Variants in VPS35L observed in about 807,000 individuals in gnomAD.
The protein encoded by VPS35L is VPS35 endosomal protein-sorting factor-like.
In VPS35L, 83 loss-of-function variants were observed where a neutral mutation model predicts 133.0. The observed-to-expected ratio is 0.62, with a 90% confidence interval of 0.52 to 0.75. The LOEUF (loss-of-function observed/expected upper bound fraction) is 0.75, where lower values mean the gene tolerates loss of function less well. VPS35L is among the 30% of genes least tolerant of loss of function. The probability of loss-of-function intolerance (pLI) is 0.00; values close to 1 mark genes in which losing one functional copy is unlikely to be tolerated. For missense variants in VPS35L, 1,083 were observed against 1,206.8 expected (o/e 0.90, Z 1.52); for synonymous variants, 423 against 449.9 (o/e 0.94, Z 0.76).
Position 19,596,824 on chromosome 16 carries a change from A to C in VPS35L, c.725-4840A>C, listed in dbSNP as rs147529437. 3.9e-3 allele frequency among the ~76,000 whole-genome samples: 597 copies of C among 151,572 alleles called. 5 individuals carry two copies. The highest frequency in any genetic ancestry group is 6.6e-3 in the Non-Finnish European group (450 of 67,882). On this transcript the variant is annotated intron_variant, in intron 8 of 30. Transcript: ENST00000417362. ...ACTTTGAGCTTAGGAATTCGAGACC[A>C]GCCTGGGCAACATGGTGAAACCCGT...
At chr16:19,673,015 G>C (rs990611477) in intron 27 of VPS35L, among the ~76,000 whole-genome samples, 5 of 152,234 alleles carry the variant, frequency 3.3e-5, no homozygotes, top group African/African-American at 9.6e-5. Flanking sequence ...GACCTGAAGA[G>C]TTCATAGCGC....
chr16:19,660,343 A>G (rs753348219), intron 26 of VPS35L, among the ~76,000 whole-genome samples: 3 of 151,706 alleles, frequency 2.0e-5, no homozygotes, highest in East Asian at 1.9e-4. Context: ...AAAAAAAAAT[A>G]AAGAAGAAAT....
At chr16:19,688,147 A>C (rs1028889678) in intron 28 of VPS35L, among the ~76,000 whole-genome samples, 1 of 148,974 alleles carries the variant, frequency 6.7e-6, no homozygotes, top group Non-Finnish European at 1.5e-5. Flanking sequence ...GGCTGGTCTC[A>C]AACTCCTGAG....
At chr16:19,556,553 G>A (rs142523194) in intron 1 of VPS35L, among the ~76,000 whole-genome samples, 1 of 152,340 alleles carries the variant, frequency 6.6e-6, no homozygotes, top group East Asian at 1.9e-4. Context: ...GTTGATGATA[G>A]TGGGATTTGG....
At chr16:19,598,178 A>C (rs1001468145) in intron 8 of VPS35L, among the ~76,000 whole-genome samples, 2 of 152,122 alleles carry the variant, frequency 1.3e-5, no homozygotes. Context: ...CCCTGCCTCT[A>C]AGGGTTTCTG....
chr16:19,630,232 T>C (rs949359840), intron 18 of VPS35L, among the ~76,000 whole-genome samples: 4 of 152,000 alleles, frequency 2.6e-5, no homozygotes, highest in Non-Finnish European at 5.9e-5. Context: ...AGGGGAATAC[T>C]GGGCTTCTCA....
At chr16:19,606,670 T>C (rs1316207242) in intron 9 of VPS35L, among the ~76,000 whole-genome samples, 3 of 152,208 alleles carry the variant, frequency 2.0e-5, no homozygotes, top group Non-Finnish European at 4.4e-5. Flanking sequence ...GAATCAGGGA[T>C]GAAAATGACT....
intron 12 of VPS35L, among the ~76,000 whole-genome samples, chr16:19,612,908 T>A (rs1050142459): frequency 6.6e-6 from 1 of 152,174 alleles, no homozygotes; most frequent in Non-Finnish European, 1.5e-5. Flanking sequence ...ACAAGATTGG[T>A]AGTAGAGTGC....
intron 12 of VPS35L, among the ~76,000 whole-genome samples, chr16:19,613,817 A>C (rs1972802459): frequency 1.3e-5 from 2 of 152,194 alleles, no homozygotes; most frequent in African/African-American, 2.4e-5. Flanking sequence ...CTCATGGTCC[A>C]AGAGGAAGGT....
chr16:19,637,885 T>G (rs1248192356), intron 20 of VPS35L, among the ~76,000 whole-genome samples: 6 of 152,248 alleles, frequency 3.9e-5, no homozygotes, highest in African/African-American at 1.4e-4. Context: ...GTTTCATTCC[T>G]TACTTATGGG....
chr16:19,608,392 T>C, intron 10 of VPS35L, 118 bp downstream of exon 10: 1 of 776,308 alleles, frequency 1.3e-6, no homozygotes, highest in Non-Finnish European at 2.1e-6. Flanking sequence ...TTGGTCCCGT[T>C]ACGGTTGCTA....
intron 3 of VPS35L, among the ~76,000 whole-genome samples, chr16:19,569,816 A>C (rs1488967525): frequency 1.3e-5 from 2 of 150,484 alleles, no homozygotes; most frequent in Non-Finnish European, 3.0e-5. Flanking sequence ...TTATAGGTAC[A>C]CACTACTGTG....
chr16:19,564,990 C>G (rs1371533896), intron 2 of VPS35L, 40 bp downstream of exon 2: 1 of 1,432,028 alleles, frequency 7.0e-7, no homozygotes. Flanking sequence ...ATATTCTTAT[C>G]CCTTGAAATG....
At chr16:19,665,336 C>T (rs1974628272) in intron 26 of VPS35L, among the ~76,000 whole-genome samples, 1 of 152,146 alleles carries the variant, frequency 6.6e-6, no homozygotes, top group Non-Finnish European at 1.5e-5. Context: ...CCCACCATTA[C>T]CCTTCCCAGC....
intron 9 of VPS35L, among the ~76,000 whole-genome samples, chr16:19,605,357 T>G (rs945097059): frequency 6.6e-6 from 1 of 152,080 alleles, no homozygotes; most frequent in Non-Finnish European, 1.5e-5. Flanking sequence ...TTTGAAGGAG[T>G]CCCCATGTAG....
chr16:19,578,286 CTTT>C (rs557894286), intron 5 of VPS35L: 105 of 412,946 alleles, frequency 2.5e-4, no homozygotes, highest in Admixed American at 7.3e-4. Context: ...TTTCTTTTTT[CTTT>C]TTTTTTTTTT....
intron 9 of VPS35L, among the ~76,000 whole-genome samples, chr16:19,602,075 C>T (rs543557293): frequency 5.3e-5 from 8 of 152,126 alleles, no homozygotes; most frequent in Admixed American, 2.0e-4. Flanking sequence ...AAATCAAAAA[C>T]GACTTTATGC....
At chr16:19,565,043 C>A in intron 2 of VPS35L, 93 bp downstream of exon 2, 1 of 981,376 alleles carries the variant, frequency 1.0e-6, no homozygotes, top group Non-Finnish European at 1.5e-6. Context: ...CCAGTGGTAG[C>A]CACTTTTGCA....
chr16:19,688,658 C>T (rs1331210181), intron 28 of VPS35L, among the ~76,000 whole-genome samples: 1 of 152,210 alleles, frequency 6.6e-6, no homozygotes, highest in African/African-American at 2.4e-5. Flanking sequence ...CTCCCTTTAG[C>T]CTGGGGGTTC....
Sources: allele counts gnomAD v4.1 joint callset (sites outside exome capture counted in the v4.1 genomes callset), GRCh38; gene constraint gnomAD v4.1.1; transcripts MANE v1.5; gene names NCBI Gene and HGNC (gene_info 2026-07-23, HGNC 2026-07-21).